The following IQSEC1 variants were observed in gnomAD, a reference collection of about 807,000 sequenced individuals.
The protein encoded by IQSEC1 is IQ motif and SEC7 domain-containing protein 1.
Under a neutral mutation model 91.0 loss-of-function variants are expected in IQSEC1, and 31 were observed. The observed-to-expected ratio is 0.34, with a 90% CI of 0.26 to 0.46. The LOEUF is 0.46. IQSEC1 is among the 20% of genes least tolerant of loss of function. IQSEC1 has a pLI of 1.00. For synonymous variants in IQSEC1, 699 were observed against 662.6 expected (o/e 1.05, Z -0.84); for missense variants, 1,388 against 1,575.6 (o/e 0.88, Z 2.02).
At chr3:13,156,777 C>G (rs1407513388) in intron 2 of IQSEC1, among the ~76,000 whole-genome samples, 1 of 152,186 alleles carries the variant, frequency 6.6e-6, no homozygotes. Flanking sequence ...GAGGAGCTGA[C>G]ATCTGAAGGG....
intron 1 of IQSEC1, among the ~76,000 whole-genome samples, chr3:13,017,032 C>T (rs1703166445): frequency 6.6e-6 from 1 of 152,222 alleles, no homozygotes; most frequent in African/African-American, 2.4e-5. Flanking sequence ...CAAGGTTCAC[C>T]TGTGCTGTAA....
chr3:13,075,507 C>A (rs1242679562), upstream of IQSEC1, among the ~76,000 whole-genome samples: 1 of 152,222 alleles, frequency 6.6e-6, no homozygotes, highest in East Asian at 1.9e-4. Context: ...TGTGGAGCAC[C>A]CAGTGTCCCT....
At chr3:13,074,199 C>T (rs1213591574), upstream of IQSEC1, among the ~76,000 whole-genome samples, 2 of 152,240 alleles carry the variant, frequency 1.3e-5, no homozygotes, top group South Asian at 4.2e-4. Flanking sequence ...GAGGCTTCTG[C>T]CATCAGACGG....
chr3:13,112,540 G>A (rs997305104), intron 2 of IQSEC1, among the ~76,000 whole-genome samples: 3 of 152,240 alleles, frequency 2.0e-5, no homozygotes, highest in Non-Finnish European at 4.4e-5. Flanking sequence ...AGGACAGTCT[G>A]TCTAGGGTGG....
intron 1 of IQSEC1, among the ~76,000 whole-genome samples, chr3:13,003,139 T>C (rs1187231389): frequency 6.6e-6 from 1 of 152,000 alleles, no homozygotes; most frequent in Non-Finnish European, 1.5e-5. Context: ...GGAATGTTAT[T>C]ATTCAGCAGT....
At chr3:13,130,359 A>AAAAGAAAG (rs1553567653) in intron 2 of IQSEC1, among the ~76,000 whole-genome samples, 20 of 148,368 alleles carry the variant, frequency 1.3e-4, no homozygotes, top group African/African-American at 5.2e-4. Context: ...AAAAAAAAAA[A>AAAAGAAAG]AAAGAAAGAA....
At chr3:13,034,375 T>C (rs543503855) in intron 1 of IQSEC1, among the ~76,000 whole-genome samples, 1 of 152,222 alleles carries the variant, frequency 6.6e-6, no homozygotes, top group Non-Finnish European at 1.5e-5. Flanking sequence ...GAGCAAGAAG[T>C]GTTTGTGGTG....
intron 1 of IQSEC1, among the ~76,000 whole-genome samples, chr3:13,034,435 C>T (rs1468997312): frequency 6.6e-6 from 1 of 152,264 alleles, no homozygotes; most frequent in Non-Finnish European, 1.5e-5. Flanking sequence ...CGAATCAAAT[C>T]TCCATGAACC....
intron 1 of IQSEC1, among the ~76,000 whole-genome samples, chr3:12,952,115 T>TG (rs950107689): frequency 2.6e-5 from 4 of 151,910 alleles, no homozygotes; most frequent in African/African-American, 9.7e-5. Flanking sequence ...CGGGAGAAGG[T>TG]GGGGGTCAGG....
chr3:12,906,107 C>A (rs1694951282), intron 12 of IQSEC1, among the ~76,000 whole-genome samples: 2 of 152,216 alleles, frequency 1.3e-5, no homozygotes, highest in African/African-American at 4.8e-5. Context: ...GCCACTTCAT[C>A]AGTCCCCTGG....
At chr3:12,939,311 C>T (rs79934797) in intron 2 of IQSEC1, among the ~76,000 whole-genome samples, 67 of 152,272 alleles carry the variant, frequency 4.4e-4, no homozygotes, top group Admixed American at 9.8e-4. Flanking sequence ...AAGAGGAACC[C>T]GGAAGAATGC....
intron 1 of IQSEC1, among the ~76,000 whole-genome samples, chr3:12,964,453 C>T (rs1465021192): frequency 6.6e-6 from 1 of 152,150 alleles, no homozygotes; most frequent in African/African-American, 2.4e-5. Context: ...AGGAAATTTA[C>T]AAAACAGGAA....
intron 1 of IQSEC1, among the ~76,000 whole-genome samples, chr3:13,024,440 T>C (rs1299291999): frequency 2.1e-5 from 3 of 146,092 alleles, no homozygotes; most frequent in African/African-American, 7.7e-5. Context: ...CACCCACCCA[T>C]CCACTCATCC....
At position 13,259,508 on chromosome 3, in the gene IQSEC1, C is replaced by T. The variant is rs1282616463; in HGVS notation, c.272+23203G>A. 6.6e-6 allele frequency among the ~76,000 whole-genome samples: 1 copy of T among 152,284 alleles called. No homozygotes were observed. The highest frequency in any genetic ancestry group is 1.5e-5 in the Non-Finnish European group (1 of 68,024). ...TCCTCATTTCCAGAAGCCCAACCTC[C>T]GAATCAGGGAAATACAGCCGACTCC... On this transcript the variant is annotated intron_variant, in intron 1 of 15. Transcript: ENST00000648114. The surrounding 1 kb of genome is among the most constrained non-coding windows in gnomAD (Gnocchi z 4.6).
chr3:12,899,363 C>CG lies in IQSEC1; in HGVS notation c.*1619dup, dbSNP rs745677581. The CG allele has an allele frequency of 6.3e-5, 101 of 1,610,626 alleles. No individual in the cohort carries two copies. The highest frequency in any genetic ancestry group is 4.9e-4 in the Middle Eastern group (3 of 6,068). On this transcript the variant is annotated 3_prime_UTR_variant, in exon 14 of 14. Coordinates refer to ENST00000613206, the MANE Select transcript of IQSEC1 (RefSeq NM_001134382.3). ...AAAGGGCCTCCGCCTGGGCAGGCGC[C>CG]GGGGGGCAGTCCTCGGGTCCCATGG...
intron 1 of IQSEC1, among the ~76,000 whole-genome samples, chr3:12,977,843 G>T (rs1162536160): frequency 1.3e-5 from 2 of 152,240 alleles, no homozygotes; most frequent in African/African-American, 4.8e-5. Context: ...TTTTGTCCCA[G>T]TGGAAGGAAG....
chr3:13,201,589 C>T (rs1197790460), intron 1 of IQSEC1, among the ~76,000 whole-genome samples: 1 of 152,200 alleles, frequency 6.6e-6, no homozygotes, highest in East Asian at 1.9e-4. Context: ...AGCAATCCTC[C>T]TGCCTCGGCC....
chr3:13,275,496 C>T (rs1437648396), intron 1 of IQSEC1, among the ~76,000 whole-genome samples: 1 of 152,184 alleles, frequency 6.6e-6, no homozygotes, highest in African/African-American at 2.4e-5. Context: ...CCAATGACAG[C>T]ACCGCCCAGC....
intron 1 of IQSEC1, among the ~76,000 whole-genome samples, chr3:13,016,531 G>A (rs7616054): frequency 0.2 from 30,369 of 152,020 alleles, 3,510 homozygotes; most frequent in African/African-American, 0.29. Context: ...CCAGGATCTG[G>A]CCCTGCCACC....
Sources: gnomAD v4.1 joint callset for allele counts (sites outside exome capture counted in the v4.1 genomes callset) on GRCh38, gnomAD v4.1.1 for gene constraint, Gnocchi (gnomAD v3.1) non-coding constraint, MANE v1.5 for transcripts, NCBI Gene and HGNC (gene_info 2026-07-23, HGNC 2026-07-21) for gene names.